TDP1: variants seen among roughly 807,000 people sequenced by gnomAD.
The protein encoded by TDP1 is tyrosyl-DNA phosphodiesterase 1.
A neutral mutation model predicts 81.5 loss-of-function variants in TDP1; 64 were observed. That is an observed-to-expected ratio of 0.79 (90% confidence interval 0.64 to 0.97). The LOEUF (loss-of-function observed/expected upper bound fraction) is 0.97. TDP1 is among the 50% of genes least tolerant of loss of function. The pLI is 0.00. For synonymous variants in TDP1, 256 were observed against 264.3 expected (o/e 0.97, Z 0.30); for missense variants, 723 against 743.8 (o/e 0.97, Z 0.33).
intron 14 of TDP1, among the ~76,000 whole-genome samples, chr14:90,001,089 T>G (rs1236313564): frequency 1.3e-5 from 2 of 152,224 alleles, no homozygotes; most frequent in African/African-American, 4.8e-5. Context: ...TCTTATTGCC[T>G]GTTATGTCTC....
intron 16 of TDP1, among the ~76,000 whole-genome samples, chr14:90,042,516 CA>C (rs1723129756): frequency 6.6e-6 from 1 of 152,182 alleles, no homozygotes; most frequent in African/African-American, 2.4e-5. Context: ...TCTGTCCTCA[CA>C]CTGCTAATAA....
chr14:90,009,171 A>G (rs1195147884), intron 14 of TDP1, among the ~76,000 whole-genome samples: 3 of 152,218 alleles, frequency 2.0e-5, no homozygotes, highest in Non-Finnish European at 4.4e-5. Flanking sequence ...CTTTAACTAT[A>G]AAAATTATCT....
At position 89,991,943 on chromosome 14, in the gene TDP1, C is replaced by T. The variant is rs1397353082; in HGVS notation, c.1393C>T (p.Gln465Ter). ...TGGGGGCTCTCTTCCCTATAGCATC[C>T]AGACAGCTGAAAAACAGAATTGGCT... ...PAGGSLPYSI[Q>*]TAEKQNWLHS... is the part of the protein sequence containing the mutation. Residue 465 changes from glutamine (Q) to a stop codon, truncating the protein, a stop_gained, in exon 13 of 17, where the codon CAG becomes TAG. Transcript: ENST00000335725. LOFTEE classifies it high-confidence loss of function. 4.3e-6 allele frequency: 7 copies of T among 1,612,298 alleles called. No homozygotes were observed. The highest frequency in any genetic ancestry group is 5.9e-6 in the Non-Finnish European group (7 of 1,179,514).
Position 89,966,149 on chromosome 14 carries a change from A to G in TDP1, c.562A>G (p.Ile188Val). The G allele has an allele frequency of 6.3e-7, 1 of 1,599,924 alleles. No homozygotes were observed. Among genetic ancestry groups the G allele is most frequent in the Non-Finnish European group, 8.6e-7 (1 of 1,167,290 alleles). The change falls in exon 4 of 17, where the codon ATT becomes GTT. Residue 188 changes from isoleucine (I) to valine (V), a missense_variant and splice_region_variant. Transcript: ENST00000335725. ...YNSGALHIKDILSPLFGTLVS... is the reference protein window; with the variant it reads ...YNSGALHIKDVLSPLFGTLVS... ...TGATATATGTTTTGTCTTCTCAGAT[A>G]TTTTATCTCCTTTATTTGGGACGCT... is the stretch of plus-strand genomic sequence containing the variant.
intron 4 of TDP1, 197 bp from the exon 5 acceptor site, chr14:89,967,170 T>C (rs1484671914): frequency 1.0e-6 from 1 of 953,422 alleles, no homozygotes; most frequent in Non-Finnish European, 1.2e-6. Flanking sequence ...TGGCTCCATT[T>C]AGGTTCTTTT....
chr14:89,966,554 G>A, intron 4 of TDP1, among the ~76,000 whole-genome samples: 1 of 152,186 alleles, frequency 6.6e-6, no homozygotes, highest in East Asian at 1.9e-4. Context: ...AGTGGTGAAG[G>A]CCAAGTCAAG....
chr14:89,979,862 A>G (rs958455923), intron 7 of TDP1, among the ~76,000 whole-genome samples: 1 of 152,158 alleles, frequency 6.6e-6, no homozygotes, highest in Non-Finnish European at 1.5e-5. Context: ...GGTCACATGG[A>G]AAAAGAGTGG....
At chr14:89,991,486 G>A in intron 12 of TDP1, 1 of 844,484 alleles carries the variant, frequency 1.2e-6, no homozygotes, top group Non-Finnish European at 1.4e-6. Flanking sequence ...ATTGTAAATA[G>A]TCCTTACATT....
intron 16 of TDP1, among the ~76,000 whole-genome samples, chr14:90,041,978 C>A (rs1046045090): frequency 9.9e-5 from 15 of 152,152 alleles, no homozygotes; most frequent in African/African-American, 3.6e-4. Flanking sequence ...TAATTAATTC[C>A]CATTCCATAG....
Position 90,038,140 on chromosome 14 carries a change from G to T in TDP1, c.1753+4926G>T, listed in dbSNP as rs531165090. ...TAACTTTGATTGATTGGTTAAGTTGGTGTTTACCAGGTTGTGAATAATTGT... is the reference window on the plus strand; with the variant it reads ...TAACTTTGATTGATTGGTTAAGTTGTTGTTTACCAGGTTGTGAATAATTGT... On this transcript the variant is annotated intron_variant, in intron 16 of 16. Transcript: ENST00000335725. Among the ~76,000 whole-genome samples, 3 of 152,282 alleles carry T rather than the reference G, an allele frequency of 2.0e-5. No homozygotes were observed. The South Asian group carries it at 6.2e-4, about 32-fold the overall frequency.
At chr14:90,013,636 A>G (rs879888464) in intron 14 of TDP1, among the ~76,000 whole-genome samples, 1 of 152,170 alleles carries the variant, frequency 6.6e-6, no homozygotes, top group African/African-American at 2.4e-5. Flanking sequence ...GACTGATACA[A>G]GTAGATACAG....
intron 15 of TDP1, among the ~76,000 whole-genome samples, chr14:90,024,683 A>C (rs1436971467): frequency 6.6e-6 from 1 of 152,148 alleles, no homozygotes; most frequent in Non-Finnish European, 1.5e-5. Flanking sequence ...AAATACACAT[A>C]CGCTTAGGAG....
intron 15 of TDP1, among the ~76,000 whole-genome samples, chr14:90,030,077 C>T (rs1234646668): frequency 6.6e-6 from 1 of 152,194 alleles, no homozygotes; most frequent in Non-Finnish European, 1.5e-5. Context: ...TAGAGCCACA[C>T]AGCAAGTAAG....
intron 6 of TDP1, chr14:89,975,416 A>G (rs1407628944): frequency 1.2e-5 from 12 of 985,274 alleles, no homozygotes; most frequent in Middle Eastern, 5.2e-4. Context: ...ACTGTGTACC[A>G]TTAATTTCTG....
intron 8 of TDP1, among the ~76,000 whole-genome samples, chr14:89,983,828 A>G (rs917199423): frequency 6.6e-6 from 1 of 152,210 alleles, no homozygotes; most frequent in African/African-American, 2.4e-5. Context: ...TCCTCTAGGG[A>G]AAAAGAATTA....
At chr14:90,022,047 T>C (rs189624229) in intron 15 of TDP1, among the ~76,000 whole-genome samples, 1 of 152,174 alleles carries the variant, frequency 6.6e-6, no homozygotes, top group Non-Finnish European at 1.5e-5. Flanking sequence ...TAATCAGGCA[T>C]TGTGGACGGT....
chr14:89,985,209 A>G lies in TDP1; in HGVS notation c.1130A>G (p.Lys377Arg). 2 of 1,593,018 alleles carry G rather than the reference A, an allele frequency of 1.3e-6. No individual in the cohort carries two copies. Among genetic ancestry groups the G allele is most frequent in the Non-Finnish European group, 1.7e-6 (2 of 1,163,800 alleles). ...KDNWGHFRLK[K>R]LLKDHASSMP... ...AATTGGGGACATTTTAGACTTAAGA[A>G]GGTAACAGAACTTTTACTATTTTAA... The change falls in exon 10 of 17, where the codon AAG (lysine) becomes AGG (arginine). Residue 377 changes from lysine to arginine, a missense_variant and splice_region_variant. Physicochemically the swap from Lys to Arg is conservative, Grantham distance 26. Coordinates refer to ENST00000335725, the MANE Select transcript of TDP1 (RefSeq NM_018319.4).
At position 90,019,392 on chromosome 14, in the gene TDP1, G is replaced by C; in HGVS notation, c.1618G>C (p.Gly540Arg). ...GCTGATGATCCGCTCCTACGAGCTC[G>C]GGGTCCTTTTCCTCCCTTCAGCATT... ...TQLMIRSYEL[G>R]VLFLPSAFGL... Residue 540 changes from glycine to arginine, a missense_variant, in exon 15 of 17, where the codon GGG becomes CGG. Physicochemically the swap from Gly to Arg is moderately radical, Grantham distance 125 (BLOSUM62 -2). Coordinates refer to ENST00000335725, the MANE Select transcript of TDP1 (RefSeq NM_018319.4). 6.2e-7 allele frequency: 1 copy of C among 1,609,104 alleles called. No individual in the cohort carries two copies. Among genetic ancestry groups the C allele is most frequent in the Non-Finnish European group, 8.5e-7 (1 of 1,175,418 alleles).
chr14:90,012,543 A>T lies in TDP1; in HGVS notation c.1542-6773A>T, dbSNP rs150491246. Among the ~76,000 whole-genome samples, 123 of 151,880 alleles carry T rather than the reference A, an allele frequency of 8.1e-4. 1 individual carries two copies. In the Middle Eastern group the frequency reaches 0.01, roughly 13 times the overall value. On this transcript the variant is annotated intron_variant, in intron 14 of 16. Transcript: ENST00000335725. ...CGTTTCTATACATCCTCTGAAATGT[A>T]GGTAGAGTTTCCCAAACCTCAATTC...
Sources: gnomAD v4.1 joint callset for allele counts (sites outside exome capture counted in the v4.1 genomes callset) on GRCh38, gnomAD v4.1.1 for gene constraint, MANE v1.5 for transcripts, NCBI Gene and HGNC (gene_info 2026-07-23, HGNC 2026-07-21) for gene names.